Variants in PVALB observed in about 807,000 individuals in gnomAD.
PVALB encodes parvalbumin, also known as parvalbumin alpha.
A neutral mutation model predicts 10.9 loss-of-function variants in PVALB; 11 were observed. That is an observed-to-expected ratio of 1.01 (90% CI 0.63 to 1.67). The LOEUF (loss-of-function observed/expected upper bound fraction) is 1.67. PVALB is among the 40% of genes most tolerant of loss of function. PVALB has a pLI of 0.00. For synonymous variants in PVALB, 57 were observed against 50.7 expected (o/e 1.12, Z -0.53); for missense variants, 131 against 136.2 (o/e 0.96, Z 0.19).
chr22:36,801,934 T>A (rs1437785301), intron 3 of PVALB, among the ~76,000 whole-genome samples: 1 of 152,172 alleles, frequency 6.6e-6, no homozygotes, highest in Admixed American at 6.5e-5. Context: ...CTCTCTGGGT[T>A]TTGGTTCCCT....
chr22:36,807,209 G>A (rs922142737), intron 3 of PVALB, among the ~76,000 whole-genome samples: 12 of 152,184 alleles, frequency 7.9e-5, no homozygotes, highest in African/African-American at 2.2e-4. Flanking sequence ...CCCGGGTCCC[G>A]TTGGGCCAAG....
intron 3 of PVALB, among the ~76,000 whole-genome samples, chr22:36,811,873 C>T (rs1265146448): frequency 6.6e-6 from 1 of 152,080 alleles, no homozygotes; most frequent in Non-Finnish European, 1.5e-5. Context: ...ATACCCTCTG[C>T]TCCACTCCTT....
rs745790441 is a variant in PVALB, at chr22:36,813,654, C to G, written c.296G>C (p.Gly99Ala). ...AGGTCACGGCTACCCACCGTCAACC[C>G]CAATTTTGCCGTCCCCATCTTTGTC... ...AGDKDGDGKIGVDEFSTLVAE... is the reference protein window; with the variant it reads ...AGDKDGDGKIAVDEFSTLVAE... The change falls in exon 3 of 4, where the codon GGG (glycine) becomes GCG (alanine). Residue 99 changes from glycine (G) to alanine (A), a missense_variant. By Grantham distance (60) the Gly-to-Ala change is moderately conservative. Coordinates refer to ENST00000417718, the MANE Select transcript of PVALB (RefSeq NM_001315532.2). The G allele has an allele frequency of 2.5e-6, 4 of 1,613,620 alleles. No homozygotes were observed. The Admixed American group carries it at 5.0e-5, about 20-fold the overall frequency.
In PVALB at chr22:36,811,429, C is replaced by T. The variant is rs762260391; in HGVS notation, c.304+2217G>A. ...GCTGGGGCTCAGGGCTAAGGAGTAG[C>T]TGCTCAGGGGCACCCAGTCAGGAAA... On this transcript the variant is annotated intron_variant, in intron 3 of 3. Coordinates refer to ENST00000417718, the MANE Select transcript of PVALB (RefSeq NM_001315532.2). 3.0e-4 allele frequency: 141 copies of T among 468,874 alleles called. 2 individuals are homozygous for T. The Middle Eastern group carries it at 5.2e-3, about 17-fold the overall frequency. 29.0% of individuals were successfully genotyped at this position (468,874 alleles called of 1,614,324 possible). A position where few individuals can be genotyped will look rare whatever the true frequency, so the allele number is the denominator to read the frequency against.
At chr22:36,806,784 G>A (rs1366675326) in intron 3 of PVALB, among the ~76,000 whole-genome samples, 1 of 152,038 alleles carries the variant, frequency 6.6e-6, no homozygotes, top group Non-Finnish European at 1.5e-5. Flanking sequence ...TTTCATCCTC[G>A]TCGGCTCTCT....
At chr22:36,815,050 C>T in intron 2 of PVALB, 53 bp downstream of exon 2, 2 of 1,607,232 alleles carry the variant, frequency 1.2e-6, no homozygotes, top group Non-Finnish European at 1.7e-6. Flanking sequence ...TCCCAGCCCC[C>T]ACTCCCTCTC....
At chr22:36,809,163 T>A (rs540754921) in intron 3 of PVALB, among the ~76,000 whole-genome samples, 1 of 152,276 alleles carries the variant, frequency 6.6e-6, no homozygotes, top group African/African-American at 2.4e-5. Context: ...TCTCCACAGA[T>A]CCCCAACCTT....
rs1939044639 is a variant in PVALB at position 36,811,420 on chromosome 22, A to C, written c.304+2226T>G. 9 of 467,666 alleles carry C rather than the reference A, an allele frequency of 1.9e-5. No homozygotes were observed. In the Admixed American group the frequency reaches 2.1e-4, roughly 11 times the overall value. 29.0% of individuals were successfully genotyped at this position (467,666 alleles called of 1,614,324 possible). On this transcript the variant is annotated intron_variant, in intron 3 of 3. Transcript: ENST00000417718. ...GATGAGGAAGCTGGGGCTCAGGGCT[A>C]AGGAGTAGCTGCTCAGGGGCACCCA...
chr22:36,817,185 C>T, upstream of PVALB: 1 of 459,592 alleles, frequency 2.2e-6, no homozygotes. Context: ...CCAGCCGCGC[C>T]GCTGAGCAGC....
In PVALB at chr22:36,816,957, C is replaced by T. The variant is rs376891246; in HGVS notation, c.49G>A (p.Gly17Arg). ...LNAEDIKKAV[G>R]AFSATDSFDH... ...CGCGCTTGCTCACCGCTAAAGGCTC[C>T]CACCGCCTTCTTGATGTCCTCAGCG... The change falls in exon 1 of 4, where the codon GGA becomes AGA. Residue 17 changes from glycine (G) to arginine (R), a missense_variant. By Grantham distance (125) the Gly-to-Arg change is moderately radical. Coordinates refer to ENST00000417718, the MANE Select transcript of PVALB (RefSeq NM_001315532.2). The T allele has an allele frequency of 1.9e-6, 3 of 1,608,436 alleles. No individual in the cohort carries two copies. Among genetic ancestry groups the T allele is most frequent in the Non-Finnish European group, 1.7e-6 (2 of 1,178,650 alleles).
chr22:36,801,243 A>G (rs2145943542), intron 3 of PVALB, among the ~76,000 whole-genome samples: 1 of 152,228 alleles, frequency 6.6e-6, no homozygotes, highest in East Asian at 1.9e-4. Context: ...GCCAGGCACT[A>G]TTCGAAACAC....
rs796831493 is a variant in PVALB, at chr22:36,802,071, G to A, written c.305-1153C>T. 5.1e-4 allele frequency among the ~76,000 whole-genome samples: 77 copies of A among 152,202 alleles called. 2 individuals carry two copies. The highest frequency in any genetic ancestry group is 1.7e-3 in the African/African-American group (71 of 41,532). On this transcript the variant is annotated intron_variant, in intron 3 of 3. Transcript: ENST00000417718. Reference sequence around the variant, plus strand: ...CTGAGACTCATTTGAGGTGAGCTGCGTCCTCCCTGGACTTTGTGTGGAATA... The same window carrying A: ...CTGAGACTCATTTGAGGTGAGCTGCATCCTCCCTGGACTTTGTGTGGAATA...
chr22:36,811,581 G>A (rs903865783), intron 3 of PVALB: 66 of 461,296 alleles, frequency 1.4e-4, no homozygotes, highest in African/African-American at 1.2e-3. Context: ...GAGGGAGGGA[G>A]GGAGGCAGGG....
chr22:36,817,252 A>T (rs966785992), upstream of PVALB: 23 of 331,814 alleles, frequency 6.9e-5, no homozygotes, highest in Non-Finnish European at 1.2e-4. Flanking sequence ...CCGCCAGGCC[A>T]GGGGTCCGCG....
chr22:36,801,324 AC>A (rs1938860496), intron 3 of PVALB, among the ~76,000 whole-genome samples: 3 of 152,134 alleles, frequency 2.0e-5, no homozygotes, highest in Non-Finnish European at 4.4e-5. Context: ...TTCCTGTTCT[AC>A]AGATGAAGAA....
At chr22:36,807,903 A>T (rs573762476) in intron 3 of PVALB, among the ~76,000 whole-genome samples, 7 of 152,326 alleles carry the variant, frequency 4.6e-5, no homozygotes, top group African/African-American at 1.7e-4. Flanking sequence ...CAGGCATGCG[A>T]GTGAGTGGCA....
intron 3 of PVALB, among the ~76,000 whole-genome samples, chr22:36,808,012 T>G (rs1194509195): frequency 2.0e-5 from 3 of 152,130 alleles, no homozygotes; most frequent in Non-Finnish European, 4.4e-5. Context: ...GAGACACACT[T>G]AAAGCAGAGG....
At chr22:36,812,664 C>T (rs964809413) in intron 3 of PVALB, among the ~76,000 whole-genome samples, 7 of 151,978 alleles carry the variant, frequency 4.6e-5, no homozygotes, top group African/African-American at 1.5e-4. Context: ...GGGATTTGAA[C>T]CCAGATAGCC....
intron 3 of PVALB, among the ~76,000 whole-genome samples, chr22:36,808,879 TA>T (rs1456615185): frequency 6.6e-6 from 1 of 152,198 alleles, no homozygotes; most frequent in Non-Finnish European, 1.5e-5. Context: ...TTTTCAGCCT[TA>T]AGCCCTCCCC....
Sources: gnomAD v4.1 joint callset for allele counts (sites outside exome capture counted in the v4.1 genomes callset) on GRCh38, gnomAD v4.1.1 for gene constraint, MANE v1.5 for transcripts, NCBI Gene and HGNC (gene_info 2026-07-23, HGNC 2026-07-21) for gene names.